EP400: variants seen among roughly 807,000 people sequenced by gnomAD.
EP400 encodes E1A-binding protein p400.
A neutral mutation model predicts 354.1 loss-of-function variants in EP400; 105 were observed. The observed-to-expected ratio is 0.30, with a 90% confidence interval of 0.25 to 0.35. The LOEUF is 0.35. EP400 is among the 10% of genes least tolerant of loss of function. The pLI is 1.00. For missense variants in EP400, 3,280 were observed against 4,121.0 expected, an observed-to-expected ratio of 0.80 and a Z score of 5.59; for synonymous variants, 1,646 against 1,716.9, an observed-to-expected ratio of 0.96 and a Z score of 1.02.
chr12:132,039,591 C>A (rs1894828954), intron 32 of EP400, among the ~76,000 whole-genome samples: 1 of 152,250 alleles, frequency 6.6e-6, no homozygotes, highest in Non-Finnish European at 1.5e-5. Context: ...CGCCACCACC[C>A]CGTTTCTCAC....
chr12:132,077,808 AATC>A lies in EP400; in HGVS notation c.*138_*140del, dbSNP rs1375840664. ...AGATATAATTGAAACAAAATAGTGT[AATC>A]ATTTTATTAAAATGCATCCCACACT... On this transcript the variant is annotated 3_prime_UTR_variant, in exon 53 of 53. Transcript: ENST00000389561. 3.5e-6 allele frequency: 4 copies of A among 1,147,230 alleles called. No individual in the cohort carries two copies. Among genetic ancestry groups the A allele is most frequent in the Non-Finnish European group, 4.8e-6 (4 of 837,196 alleles). The allele number at this position is 1,147,230 out of a possible 1,614,324, so 71.1% of individuals were successfully genotyped here.
chr12:132,001,236 A>G (rs1396737849), intron 12 of EP400, among the ~76,000 whole-genome samples: 1 of 152,142 alleles, frequency 6.6e-6, no homozygotes, highest in Non-Finnish European at 1.5e-5. Flanking sequence ...TTTATTGGAT[A>G]CAAAGCAAAA....
At chr12:132,059,755 C>G (rs769992489) in intron 45 of EP400, among the ~76,000 whole-genome samples, 3 of 152,128 alleles carry the variant, frequency 2.0e-5, no homozygotes, top group Non-Finnish European at 4.4e-5. Context: ...TGTCTCAACG[C>G]CTGTAATCCC....
chr12:132,002,923 A>G (rs755341159), intron 12 of EP400, among the ~76,000 whole-genome samples: 3 of 152,230 alleles, frequency 2.0e-5, no homozygotes, highest in Non-Finnish European at 4.4e-5. Flanking sequence ...CTTCACAGAG[A>G]TGTGGAATTT....
In EP400 at chr12:132,067,781, A is replaced by G. The variant is rs1194064155; in HGVS notation, c.8874+295A>G. On this transcript the variant is annotated intron_variant, in intron 50 of 52. Coordinates refer to ENST00000389561, the MANE Select transcript of EP400 (RefSeq NM_015409.5). This position sits in a 1 kb window ranked among gnomAD's most constrained non-coding sequence, Gnocchi z 5.3. ...AGAAGCCTGCATGGCATTGGGACAGACACAGGGGGTGCAATTGCATGATGG... is the reference window on the plus strand; with the variant it reads ...AGAAGCCTGCATGGCATTGGGACAGGCACAGGGGGTGCAATTGCATGATGG... Among the ~76,000 whole-genome samples the G allele has an allele frequency of 6.6e-6, 1 of 151,246 alleles. No individual in the cohort carries two copies. The highest frequency in any genetic ancestry group is 1.9e-4 in the East Asian group (1 of 5,134).
chr12:132,037,627 G>C (rs757235760), intron 30 of EP400, 55 bp from the exon 31 acceptor site: 2 of 1,415,378 alleles, frequency 1.4e-6, no homozygotes, highest in Non-Finnish European at 2.0e-6. Context: ...GTGCCCACCT[G>C]TTGTCACTGT....
In EP400 at chr12:132,006,551, A is replaced by G. The variant is rs1049458260; in HGVS notation, c.3127-149A>G. ...GACCTAGCGAGACTCGATCTCCAAA[A>G]GAAGCAATTCTTCCTCTTCCTGTTT... On this transcript the variant is annotated intron_variant, in intron 14 of 52. Coordinates refer to ENST00000389561, the MANE Select transcript of EP400 (RefSeq NM_015409.5). The G allele has an allele frequency of 6.3e-6, 6 of 956,758 alleles. No homozygotes were observed. The African/African-American group carries it at 1.0e-4, about 16-fold the overall frequency. The allele number at this position is 956,758 out of a possible 1,614,324, so 59.3% of individuals were successfully genotyped here.
In EP400 at chr12:132,077,481, T is replaced by C. The variant is rs769588856; in HGVS notation, c.9180T>C (p.Thr3060=). ...AGATGATCCCTGCAGTGACCGCGAC[T>C]GCCCAGGTGGTTCAGCAGAAACTCA... ...QVQMIPAVTA[T]AQVVQQKLIQ... Residue 3060 remains threonine, a synonymous_variant, in exon 53 of 53, where the codon ACT becomes ACC. Coordinates refer to ENST00000389561, the MANE Select transcript of EP400 (RefSeq NM_015409.5). 1 of 1,613,612 alleles carries C rather than the reference T, an allele frequency of 6.2e-7. No individual in the cohort carries two copies. Among genetic ancestry groups the C allele is most frequent in the Non-Finnish European group, 8.5e-7 (1 of 1,180,014 alleles).
chr12:132,010,716 C>T (rs1304711531), intron 15 of EP400, among the ~76,000 whole-genome samples: 1 of 152,132 alleles, frequency 6.6e-6, no homozygotes, highest in African/African-American at 2.4e-5. Context: ...CCGAGGTAGG[C>T]GGGTCACCTG....
chr12:132,066,948 G>C lies in EP400; in HGVS notation c.8728G>C (p.Gly2910Arg). The change falls in exon 49 of 53, where the codon GGT becomes CGT. Residue 2910 changes from glycine to arginine, a missense_variant. Transcript: ENST00000389561. Reference protein sequence around the residue: ...MNVAGISVAIGQPQKAAGQTV... With the variant: ...MNVAGISVAIRQPQKAAGQTV... The stretch of plus-strand genomic sequence containing the variant: ...CGTCGCGGGGATCAGCGTGGCGATC[G>C]GTCAGCCACAGAAGGCAGCAGGTGC... 2 of 1,602,342 alleles carry C rather than the reference G, an allele frequency of 1.2e-6. No individual in the cohort carries two copies. The highest frequency in any genetic ancestry group is 1.7e-5 in the Admixed American group (1 of 58,218).
intron 1 of EP400, among the ~76,000 whole-genome samples, chr12:131,958,189 A>G (rs759585588): frequency 2.0e-5 from 3 of 152,188 alleles, no homozygotes; most frequent in Admixed American, 6.5e-5. Flanking sequence ...GTTTAGTAAG[A>G]TCAGGAACAG....
intron 6 of EP400, 143 bp from the exon 7 acceptor site, chr12:131,987,562 T>C (rs899443993): frequency 7.6e-6 from 5 of 656,836 alleles, no homozygotes; most frequent in Non-Finnish European, 1.2e-5. Context: ...ACCTTTGATA[T>C]TAAACTGGGA....
At chr12:132,023,228 G>A (rs1894180384) in intron 23 of EP400, among the ~76,000 whole-genome samples, 1 of 148,458 alleles carries the variant, frequency 6.7e-6, no homozygotes, top group Non-Finnish European at 1.5e-5. Context: ...TGCCTCCCGG[G>A]TTCAAGCAAT....
At chr12:132,023,274 A>C (rs1455200696) in intron 23 of EP400, among the ~76,000 whole-genome samples, 2 of 141,436 alleles carry the variant, frequency 1.4e-5, no homozygotes, top group East Asian at 4.1e-4. Context: ...CTCGGATTAC[A>C]GGCGCCCACC....
chr12:131,969,233 A>G (rs1892207978), intron 2 of EP400, among the ~76,000 whole-genome samples: 1 of 152,170 alleles, frequency 6.6e-6, no homozygotes, highest in Non-Finnish European at 1.5e-5. Flanking sequence ...TTTGTCAAAT[A>G]CATCTATTGA....
At chr12:132,031,734 T>C (rs1355717658) in intron 29 of EP400, among the ~76,000 whole-genome samples, 1 of 152,088 alleles carries the variant, frequency 6.6e-6, no homozygotes, top group East Asian at 1.9e-4. Context: ...TTTTTGTATT[T>C]TTAGTAGAGA....
intron 15 of EP400, among the ~76,000 whole-genome samples, chr12:132,009,342 C>A (rs926534811): frequency 1.3e-5 from 2 of 152,158 alleles, no homozygotes; most frequent in Admixed American, 6.5e-5. Context: ...CTGTCACAGA[C>A]CCCAGGCACT....
In EP400 at chr12:132,020,527, C is replaced by T. The variant is rs567616611; in HGVS notation, c.4447+309C>T. ...CGTGCGTGCAGTCGTCTAGGAGACT[C>T]CTGAGAACGTCTGCTCATATTGTAT... is the stretch of plus-strand genomic sequence containing the variant. On this transcript the variant is annotated intron_variant, in intron 22 of 52. Coordinates refer to ENST00000389561, the MANE Select transcript of EP400 (RefSeq NM_015409.5). Among the ~76,000 whole-genome samples the T allele has an allele frequency of 2.6e-5, 4 of 152,344 alleles. No individual in the cohort carries two copies. In the East Asian group the frequency reaches 7.7e-4, roughly 29 times the overall value.
intron 12 of EP400, among the ~76,000 whole-genome samples, chr12:131,997,718 C>A: frequency 6.8e-6 from 1 of 147,130 alleles, no homozygotes; most frequent in East Asian, 2.1e-4. Context: ...GTCATCTTCA[C>A]GTTGAGTAGG....
Sources: allele counts gnomAD v4.1 joint callset (sites outside exome capture counted in the v4.1 genomes callset), GRCh38; gene constraint gnomAD v4.1.1; non-coding constraint Gnocchi (gnomAD v3.1); transcripts MANE v1.5; gene names NCBI Gene and HGNC (gene_info 2026-07-23, HGNC 2026-07-21).